Variants in HS6ST1 observed in about 807,000 individuals in gnomAD.
HS6ST1 encodes the protein heparan-sulfate 6-O-sulfotransferase 1.
Under a neutral mutation model 25.2 loss-of-function variants are expected in HS6ST1, and 3 were observed. That is an observed-to-expected ratio of 0.12 (90% CI 0.05 to 0.31). HS6ST1 has a LOEUF of 0.31. HS6ST1 is among the 10% of genes least tolerant of loss of function. The probability of loss-of-function intolerance (pLI) is 1.00; values close to 1 mark genes in which losing one functional copy is unlikely to be tolerated. For missense variants in HS6ST1, 310 were observed against 609.6 expected (o/e 0.51, Z 5.18); for synonymous variants, 204 against 275.1 (o/e 0.74, Z 2.56).
At chr2:128,291,747 T>C (rs1474378962) in intron 1 of HS6ST1, among the ~76,000 whole-genome samples, 1 of 152,200 alleles carries the variant, frequency 6.6e-6, no homozygotes. Flanking sequence ...GCCCCTCCTC[T>C]TTCCACGGGG....
intron 1 of HS6ST1, among the ~76,000 whole-genome samples, chr2:128,271,596 T>C (rs1462639748): frequency 6.6e-6 from 1 of 152,116 alleles, no homozygotes; most frequent in African/African-American, 2.4e-5. Context: ...CTGTGAAGTG[T>C]TTCTGCTCAG....
chr2:128,273,014 G>A (rs1377420448), intron 1 of HS6ST1, among the ~76,000 whole-genome samples: 1 of 152,208 alleles, frequency 6.6e-6, no homozygotes, highest in Non-Finnish European at 1.5e-5. Flanking sequence ...AAGCCTGTCA[G>A]CCTCACCTGT....
chr2:128,299,229 C>T (rs184596709), intron 1 of HS6ST1, among the ~76,000 whole-genome samples: 8 of 152,354 alleles, frequency 5.3e-5, no homozygotes, highest in South Asian at 2.1e-4. Flanking sequence ...CACAACTCCC[C>T]GACGCACCCC....
intron 1 of HS6ST1, among the ~76,000 whole-genome samples, chr2:128,286,328 G>T (rs1693859905): frequency 6.6e-6 from 1 of 152,256 alleles, no homozygotes; most frequent in Non-Finnish European, 1.5e-5. Flanking sequence ...GCATCCTGCA[G>T]GGCCAGGAAC....
At chr2:128,286,404 G>C (rs561126064) in intron 1 of HS6ST1, among the ~76,000 whole-genome samples, 39 of 152,330 alleles carry the variant, frequency 2.6e-4, no homozygotes, top group Admixed American at 3.9e-4. Flanking sequence ...TCATCAGACT[G>C]CAGGTCAGGA....
chr2:128,306,318 T>A (rs1311336502), intron 1 of HS6ST1, among the ~76,000 whole-genome samples: 1 of 152,076 alleles, frequency 6.6e-6, no homozygotes, highest in Non-Finnish European at 1.5e-5. Context: ...CTGCGAAGAT[T>A]TCTCTGCCAG....
chr2:128,272,562 C>T (rs1693624470), intron 1 of HS6ST1, among the ~76,000 whole-genome samples: 1 of 152,132 alleles, frequency 6.6e-6, no homozygotes, highest in South Asian at 2.1e-4. Flanking sequence ...GGGGACACAG[C>T]TGAGGGGAAC....
At chr2:128,312,199 G>T (rs975871316) in intron 1 of HS6ST1, among the ~76,000 whole-genome samples, 3 of 152,208 alleles carry the variant, frequency 2.0e-5, no homozygotes, top group Admixed American at 6.5e-5. Flanking sequence ...CGCATGCAGG[G>T]GTTGCTGGGA....
Position 128,266,732 on chromosome 2 carries a change from C to G in HS6ST1, c.*1430G>C, listed in dbSNP as rs1467744251. ...TGAGTCAGCCTGCGGCCTGAGCACA[C>G]CAATCTACTCTCTGGGGGATCCAGG... On this transcript the variant is annotated 3_prime_UTR_variant, in exon 2 of 2. Coordinates refer to ENST00000259241, the MANE Select transcript of HS6ST1 (RefSeq NM_004807.3). 1 of 152,372 alleles carries G rather than the reference C, an allele frequency of 6.6e-6. No individual in the cohort carries two copies. Among genetic ancestry groups the G allele is most frequent in the East Asian group, 1.9e-4 (1 of 5,200 alleles). 9.4% of individuals were successfully genotyped at this position (152,372 alleles called of 1,614,324 possible). A position where few individuals can be genotyped will look rare whatever the true frequency, so the allele number is the denominator to read the frequency against.
intron 1 of HS6ST1, among the ~76,000 whole-genome samples, chr2:128,287,089 C>T (rs1037098824): frequency 8.5e-5 from 13 of 152,178 alleles, no homozygotes; most frequent in African/African-American, 3.1e-4. Flanking sequence ...AAGGAACCCT[C>T]TGGGGCAGGG....
At chr2:128,314,929 C>T (rs962724868) in intron 1 of HS6ST1, among the ~76,000 whole-genome samples, 2 of 152,160 alleles carry the variant, frequency 1.3e-5, no homozygotes, top group Non-Finnish European at 2.9e-5. Context: ...TTCAGGCAGA[C>T]GGGAAGAGGA....
At chr2:128,270,493 G>C (rs1261230671) in intron 1 of HS6ST1, among the ~76,000 whole-genome samples, 1 of 152,240 alleles carries the variant, frequency 6.6e-6, no homozygotes, top group East Asian at 1.9e-4. Flanking sequence ...GGGGCCTCAA[G>C]GGCCAGAGGG....
In HS6ST1 at chr2:128,318,117, C is replaced by T. The variant is rs577831165; in HGVS notation, c.447G>A (p.Leu149=). The T allele has an allele frequency of 2.0e-6, 3 of 1,526,038 alleles. No homozygotes were observed. The South Asian group carries it at 3.6e-5, about 18-fold the overall frequency. 94.5% of individuals were successfully genotyped at this position (1,526,038 alleles called of 1,614,324 possible). A position where few individuals can be genotyped will look rare whatever the true frequency, so the allele number is the denominator to read the frequency against. The part of the protein sequence containing the change: ...SRFSTGWSCG[L]HADWTELTNC... ...TGGTGAGCTCGGTCCAGTCGGCGTG[C>T]AGCCCGCAGCTCCAGCCGGTGGAGA... Residue 149 remains leucine, a synonymous_variant, in exon 1 of 2, where the codon CTG becomes CTA. Coordinates refer to ENST00000259241, the MANE Select transcript of HS6ST1 (RefSeq NM_004807.3). This position sits in a 1 kb window ranked among gnomAD's most constrained non-coding sequence, Gnocchi z 5.7.
intron 1 of HS6ST1, among the ~76,000 whole-genome samples, chr2:128,283,999 G>A (rs1693824129): frequency 1.3e-5 from 2 of 152,160 alleles, no homozygotes; most frequent in East Asian, 1.9e-4. Context: ...TTCACCTGCC[G>A]AGGGACACAG....
At chr2:128,311,884 G>A (rs1316732970) in intron 1 of HS6ST1, among the ~76,000 whole-genome samples, 2 of 152,214 alleles carry the variant, frequency 1.3e-5, no homozygotes, top group Non-Finnish European at 2.9e-5. Flanking sequence ...AATCTTATGG[G>A]GGAGGTGGCA....
At chr2:128,273,832 G>A (rs1308104227) in intron 1 of HS6ST1, among the ~76,000 whole-genome samples, 1 of 152,246 alleles carries the variant, frequency 6.6e-6, no homozygotes, top group Non-Finnish European at 1.5e-5. Flanking sequence ...GCGGGGTGTG[G>A]CGAGGTGCAG....
At chr2:128,316,116 G>C (rs1026965259) in intron 1 of HS6ST1, among the ~76,000 whole-genome samples, 35 of 152,228 alleles carry the variant, frequency 2.3e-4, no homozygotes, top group African/African-American at 8.0e-4. Flanking sequence ...TCCTGGTGTA[G>C]CACCTGGGGC....
At chr2:128,282,700 C>G (rs995506425) in intron 1 of HS6ST1, among the ~76,000 whole-genome samples, 4 of 152,222 alleles carry the variant, frequency 2.6e-5, no homozygotes, top group Non-Finnish European at 4.4e-5. Context: ...TGCCCCAGCC[C>G]CTTCCTGCTC....
intron 1 of HS6ST1, among the ~76,000 whole-genome samples, chr2:128,312,955 T>C (rs1694313536): frequency 6.6e-6 from 1 of 151,912 alleles, no homozygotes; most frequent in South Asian, 2.1e-4. Flanking sequence ...CCCAGCTACG[T>C]GGGAGGCTGA....
Sources: gnomAD v4.1 joint callset for allele counts (sites outside exome capture counted in the v4.1 genomes callset) on GRCh38, gnomAD v4.1.1 for gene constraint, Gnocchi (gnomAD v3.1) non-coding constraint, MANE v1.5 for transcripts, NCBI Gene and HGNC (gene_info 2026-07-23, HGNC 2026-07-21) for gene names.